Variants in DPY19L2 observed in about 807,000 individuals in gnomAD.
DPY19L2 encodes dpy-19 like 2.
A neutral mutation model predicts 97.9 loss-of-function variants in DPY19L2; 34 were observed. The observed-to-expected ratio is 0.35, with a 90% confidence interval of 0.26 to 0.46. The LOEUF (loss-of-function observed/expected upper bound fraction) is 0.46, where lower values mean the gene tolerates loss of function less well. Among genes scored for constraint, DPY19L2 ranks in the 20% least tolerant of loss-of-function variants. The pLI is 1.00. For missense variants in DPY19L2, 623 were observed against 911.4 expected (o/e 0.68, Z 4.07); for synonymous variants, 230 against 307.9 (o/e 0.75, Z 2.65).
intron 5 of DPY19L2, among the ~76,000 whole-genome samples, chr12:63,645,852 T>C (rs1373860673): frequency 6.6e-6 from 1 of 152,096 alleles, no homozygotes; most frequent in Non-Finnish European, 1.5e-5. Context: ...ATTTTTTCCA[T>C]ACCATTGACT....
intron 6 of DPY19L2, among the ~76,000 whole-genome samples, chr12:63,643,836 C>G (rs1361436196): frequency 6.6e-6 from 1 of 152,146 alleles, no homozygotes; most frequent in African/African-American, 2.4e-5. Context: ...AAAACTGACT[C>G]AACTTAGTTT....
At chr12:63,662,797 T>G (rs140723121) in intron 3 of DPY19L2, among the ~76,000 whole-genome samples, 2,107 of 152,322 alleles carry the variant, frequency 0.014, 24 homozygotes, top group Non-Finnish European at 0.021. Context: ...TCAAATGTCA[T>G]ACATATGTTA....
chr12:63,651,975 CT>C, intron 4 of DPY19L2: 1 of 290,474 alleles, frequency 3.4e-6, no homozygotes. Context: ...AACCCACCCA[CT>C]TTCCATCCAG....
At chr12:63,610,861 A>AAC (rs1565762216) in intron 11 of DPY19L2, among the ~76,000 whole-genome samples, 13 of 99,180 alleles carry the variant, frequency 1.3e-4, no homozygotes, top group African/African-American at 4.2e-4. Context: ...AAAAAAAAAA[A>AAC]AAAAAAAAAA....
intron 18 of DPY19L2, among the ~76,000 whole-genome samples, chr12:63,581,857 GT>G (rs1475072909): frequency 6.7e-6 from 1 of 149,876 alleles, no homozygotes; most frequent in African/African-American, 2.5e-5. Context: ...TTAGAGTGCT[GT>G]GATGCGATCT....
At position 63,591,977 on chromosome 12, in the gene DPY19L2, AGGGG is replaced by A. The variant is rs1565728238; in HGVS notation, c.1580+2106_1580+2109del. Among the ~76,000 whole-genome samples, 172 of 85,904 alleles carry A rather than the reference AGGGG, an allele frequency of 2.0e-3. 1 individual carries two copies. The highest frequency in any genetic ancestry group is 8.6e-3 in the African/African-American group (165 of 19,268). 56.4% of individuals were successfully genotyped at this position (85,904 alleles called of 152,430 possible). A position where few individuals can be genotyped will look rare whatever the true frequency, so the allele number is the denominator to read the frequency against. ...AAAAGAAAAGAAAAGAAAAGAAAAG[AGGGG>A]AAGGGAAGGGAAGGGAGGGGAAGGG... On this transcript the variant is annotated intron_variant, in intron 16 of 21. Transcript: ENST00000324472.
chr12:63,656,198 AT>A (rs1284628749), intron 4 of DPY19L2, among the ~76,000 whole-genome samples: 2 of 152,152 alleles, frequency 1.3e-5, no homozygotes, highest in Non-Finnish European at 2.9e-5. Flanking sequence ...CTGACCCAAC[AT>A]GATTAAATCC....
At chr12:63,600,155 T>C in intron 13 of DPY19L2, 151 bp downstream of exon 13, 1 of 550,210 alleles carries the variant, frequency 1.8e-6, no homozygotes, top group South Asian at 3.4e-5. Flanking sequence ...ACTGCAAGAC[T>C]TTATTATTGA....
At chr12:63,631,098 G>A (rs1451282036) in intron 6 of DPY19L2, among the ~76,000 whole-genome samples, 1 of 151,900 alleles carries the variant, frequency 6.6e-6, no homozygotes, top group Non-Finnish European at 1.5e-5. Context: ...AGCACTAAAT[G>A]CCCACAAGAG....
chr12:63,603,321 C>T (rs1214181825), intron 12 of DPY19L2, among the ~76,000 whole-genome samples: 2 of 152,138 alleles, frequency 1.3e-5, no homozygotes, highest in African/African-American at 2.4e-5. Flanking sequence ...TATATTTCTT[C>T]CCTACATTCT....
At chr12:63,664,819 T>C (rs1462284655) in intron 2 of DPY19L2, among the ~76,000 whole-genome samples, 2 of 152,150 alleles carry the variant, frequency 1.3e-5, no homozygotes, top group African/African-American at 2.4e-5. Flanking sequence ...CTTCTTTACA[T>C]GTAGGCCATA....
At chr12:63,609,280 G>C (rs1886570851) in intron 11 of DPY19L2, among the ~76,000 whole-genome samples, 1 of 152,054 alleles carries the variant, frequency 6.6e-6, no homozygotes, top group South Asian at 2.1e-4. Flanking sequence ...TGCAAGGTAA[G>C]AAGTTGGGAT....
intron 11 of DPY19L2, among the ~76,000 whole-genome samples, chr12:63,609,761 T>C (rs1278961163): frequency 6.6e-6 from 1 of 152,176 alleles, no homozygotes; most frequent in Non-Finnish European, 1.5e-5. Flanking sequence ...TATTTGTTTA[T>C]TCCCAAGTTT....
At chr12:63,610,873 A>AC (rs1886876651) in intron 11 of DPY19L2, among the ~76,000 whole-genome samples, 1 of 106,410 alleles carries the variant, frequency 9.4e-6, no homozygotes, top group African/African-American at 3.2e-5. Flanking sequence ...AAAAAAAAAA[A>AC]AACCACACAC....
chr12:63,626,197 T>C (rs1328553762), intron 7 of DPY19L2, among the ~76,000 whole-genome samples: 6 of 151,352 alleles, frequency 4.0e-5, no homozygotes, highest in Non-Finnish European at 8.8e-5. Context: ...ATGATATGAT[T>C]CAACTCAACA....
At chr12:63,580,522 G>A in intron 19 of DPY19L2, 140 bp downstream of exon 19, 1 of 889,438 alleles carries the variant, frequency 1.1e-6, no homozygotes, top group Non-Finnish European at 1.6e-6. Context: ...CTCAAAGTCT[G>A]TGAGAGTATG....
intron 21 of DPY19L2, among the ~76,000 whole-genome samples, chr12:63,567,931 T>C (rs1565693216): frequency 2.6e-5 from 4 of 152,070 alleles, no homozygotes; most frequent in Non-Finnish European, 2.9e-5. Context: ...TCTTTGATTT[T>C]ACCGTTGTGA....
intron 3 of DPY19L2, among the ~76,000 whole-genome samples, chr12:63,661,714 T>C (rs1196047932): frequency 6.6e-6 from 1 of 152,126 alleles, no homozygotes; most frequent in Admixed American, 6.5e-5. Context: ...GATGGAGGGA[T>C]GGTCAAACAA....
chr12:63,617,166 A>G, intron 11 of DPY19L2, 138 bp downstream of exon 11: 1 of 599,626 alleles, frequency 1.7e-6, no homozygotes, highest in Non-Finnish European at 3.0e-6. Flanking sequence ...ACAGATAAAA[A>G]GCTTTGCTTG....
Sources: allele counts gnomAD v4.1 joint callset (sites outside exome capture counted in the v4.1 genomes callset), GRCh38; gene constraint gnomAD v4.1.1; transcripts MANE v1.5; gene names NCBI Gene and HGNC (gene_info 2026-07-23, HGNC 2026-07-21).